UNC80: variants seen among roughly 807,000 people sequenced by gnomAD.
UNC80 encodes unc-80 subunit of NALCN channel complex.
In UNC80, 164 loss-of-function variants were observed where a neutral mutation model predicts 384.6. The observed-to-expected ratio is 0.43, with a 90% CI of 0.38 to 0.49. The LOEUF (loss-of-function observed/expected upper bound fraction) is 0.49, where lower values mean the gene tolerates loss of function less well. Ranked by LOEUF, UNC80 falls within the 20% of genes least tolerant of loss-of-function variation. The probability of loss-of-function intolerance (pLI) is 0.00; values close to 1 mark genes in which losing one functional copy is unlikely to be tolerated. For missense variants in UNC80, 3,330 were observed against 4,143.0 expected (o/e 0.80, Z 5.39); for synonymous variants, 1,486 against 1,527.8 (o/e 0.97, Z 0.64).
chr2:209,909,983 A>G (rs886543318), intron 29 of UNC80, among the ~76,000 whole-genome samples: 6 of 151,804 alleles, frequency 4.0e-5, no homozygotes, highest in Non-Finnish European at 8.8e-5. Context: ...ATCTCTATTT[A>G]TCACTAATAG....
intron 40 of UNC80, 76 bp from the exon 41 acceptor site, chr2:209,936,768 G>A: frequency 1.0e-6 from 1 of 995,586 alleles, no homozygotes; most frequent in Non-Finnish European, 1.5e-6. Context: ...TTCAAAATTT[G>A]TATCTGTCAC....
At chr2:209,941,081 G>A in intron 43 of UNC80, 140 bp from the exon 44 acceptor site, 2 of 1,124,584 alleles carry the variant, frequency 1.8e-6, no homozygotes, top group Non-Finnish European at 2.4e-6. Context: ...ATATTGTGCT[G>A]GAAAACATTT....
At chr2:209,891,740 A>C (rs1034152608) in intron 26 of UNC80, among the ~76,000 whole-genome samples, 4 of 152,170 alleles carry the variant, frequency 2.6e-5, no homozygotes, top group Non-Finnish European at 5.9e-5. Flanking sequence ...GAATATATCC[A>C]TAAAATGTCC....
chr2:209,967,291 G>C, intron 51 of UNC80, 146 bp from the exon 52 acceptor site: 1 of 477,958 alleles, frequency 2.1e-6, no homozygotes, highest in East Asian at 3.5e-5. Context: ...GAGAGCAGAG[G>C]GATAGAGGAT....
intron 35 of UNC80, among the ~76,000 whole-genome samples, chr2:209,925,079 T>G (rs1322334346): frequency 6.6e-6 from 1 of 151,714 alleles, no homozygotes; most frequent in Non-Finnish European, 1.5e-5. Flanking sequence ...GAAATACCAC[T>G]GGTCTTTTTT....
chr2:209,849,314 AG>A, intron 21 of UNC80, 136 bp from the exon 22 acceptor site: 1 of 854,830 alleles, frequency 1.2e-6, no homozygotes, highest in Non-Finnish European at 1.8e-6. Flanking sequence ...GTGGAGAGCA[AG>A]GAAGTGGAGT....
chr2:209,944,923 T>G (rs1268880817), intron 45 of UNC80, 128 bp from the exon 46 acceptor site: 1 of 1,100,578 alleles, frequency 9.1e-7, no homozygotes, highest in Admixed American at 2.6e-5. Context: ...TCCAGAATTA[T>G]GTAAGCTGAA....
At chr2:209,899,323 G>A (rs985622879) in intron 28 of UNC80, among the ~76,000 whole-genome samples, 7 of 152,150 alleles carry the variant, frequency 4.6e-5, no homozygotes, top group Non-Finnish European at 7.4e-5. Context: ...GGTGATAATG[G>A]TGTGTCAATA....
chr2:209,789,680 T>C (rs2077671173), intron 6 of UNC80, 75 bp downstream of exon 6: 4 of 1,089,086 alleles, frequency 3.7e-6, no homozygotes, highest in Admixed American at 1.9e-5. Flanking sequence ...GGGAAAGACA[T>C]GAGTTCTAGA....
At position 209,894,358 on chromosome 2, in the gene UNC80, C is replaced by A. The variant is rs1402067800; in HGVS notation, c.4472C>A (p.Thr1491Asn). Residue 1491 changes from threonine (T) to asparagine (N), a missense_variant, in exon 27 of 65, where the codon ACT (threonine) becomes AAT (asparagine). Around this residue, in one of 8 missense-constraint regions of UNC80, gnomAD observed 801 missense variants for 950.8 expected, o/e 0.84. Transcript: ENST00000673920. ...CTGTCCCAGAGCAGGGACACTGTCACTGACCTAGGTAACATAGAGGAGTGG... is the reference window on the plus strand; with the variant it reads ...CTGTCCCAGAGCAGGGACACTGTCAATGACCTAGGTAACATAGAGGAGTGG... Reference protein sequence around the residue: ...LQLSQSRDTVTDLEGSPWSAS... With the variant: ...LQLSQSRDTVNDLEGSPWSAS... 1.0e-6 allele frequency: 1 copy of A among 985,248 alleles called. No homozygotes were observed. Among genetic ancestry groups the A allele is most frequent in the Non-Finnish European group, 1.2e-6 (1 of 829,916 alleles). 61.0% of individuals were successfully genotyped at this position (985,248 alleles called of 1,614,324 possible).
At chr2:209,777,624 A>G (rs576124120) in intron 4 of UNC80, 65 bp downstream of exon 4, 4 of 1,494,304 alleles carry the variant, frequency 2.7e-6, no homozygotes, top group East Asian at 4.5e-5. Flanking sequence ...ACTTCAAATG[A>G]TATTTCCATA....
chr2:209,899,999 C>T (rs1399548400), intron 28 of UNC80, among the ~76,000 whole-genome samples: 2 of 152,330 alleles, frequency 1.3e-5, no homozygotes, highest in East Asian at 3.9e-4. Flanking sequence ...TGCCTAGCTT[C>T]TTGGCCAGTT....
intron 48 of UNC80, among the ~76,000 whole-genome samples, chr2:209,955,683 T>C (rs2092369222): frequency 8.3e-6 from 1 of 120,426 alleles, no homozygotes; most frequent in African/African-American, 3.2e-5. Flanking sequence ...CAAATGCCAC[T>C]GTATTTCTAA....
intron 4 of UNC80, among the ~76,000 whole-genome samples, chr2:209,783,089 T>A (rs1278648640): frequency 2.0e-5 from 3 of 152,136 alleles, no homozygotes; most frequent in Non-Finnish European, 4.4e-5. Context: ...TTTCTTTAAA[T>A]CTCTGTAAGC....
intron 25 of UNC80, 129 bp from the exon 26 acceptor site, chr2:209,887,966 G>T: frequency 2.8e-6 from 2 of 705,470 alleles, no homozygotes; most frequent in South Asian, 2.7e-5. Context: ...TCTAAAATTA[G>T]CGTCAGATAA....
chr2:209,809,110 C>T lies in UNC80; in HGVS notation c.939-4470C>T, dbSNP rs1489589097. 4 of 544,028 alleles carry T rather than the reference C, an allele frequency of 7.4e-6. No individual in the cohort carries two copies. The Admixed American group carries it at 1.2e-4, about 16-fold the overall frequency. 33.7% of individuals were successfully genotyped at this position (544,028 alleles called of 1,614,324 possible). A position where few individuals can be genotyped will look rare whatever the true frequency, so the allele number is the denominator to read the frequency against. Reference sequence around the variant, plus strand: ...CCAGTCCCCCAGCCCACGTTCACAGCCTTCTTCGTCTTTCTCCTCCACTTC... The same window carrying T: ...CCAGTCCCCCAGCCCACGTTCACAGTCTTCTTCGTCTTTCTCCTCCACTTC... On this transcript the variant is annotated intron_variant, in intron 7 of 64. Transcript: ENST00000673920.
At chr2:209,834,249 C>G (rs545269664) in intron 17 of UNC80, 81 bp downstream of exon 17, 3 of 1,440,632 alleles carry the variant, frequency 2.1e-6, no homozygotes, top group Admixed American at 2.2e-5. Flanking sequence ...TGTGTGGTTC[C>G]TGTGCTGAAA....
At chr2:209,826,395 G>A (rs893887445) in intron 14 of UNC80, among the ~76,000 whole-genome samples, 1 of 152,188 alleles carries the variant, frequency 6.6e-6, no homozygotes, top group Non-Finnish European at 1.5e-5. Context: ...TGTAACAAAT[G>A]ACTTTTTAAT....
intron 24 of UNC80, among the ~76,000 whole-genome samples, chr2:209,879,064 T>A (rs746264324): frequency 3.3e-5 from 5 of 151,972 alleles, no homozygotes; most frequent in Non-Finnish European, 5.9e-5. Context: ...TTTTAAATCA[T>A]GTTACCCCTT....
Sources: allele counts gnomAD v4.1 joint callset (sites outside exome capture counted in the v4.1 genomes callset), GRCh38; gene constraint gnomAD v4.1.1; regional missense constraint gnomAD v4.1.1; transcripts MANE v1.5; gene names NCBI Gene and HGNC (gene_info 2026-07-23, HGNC 2026-07-21).